The following LIMS4 variants were observed in gnomAD, a reference collection of about 807,000 sequenced individuals.
LIMS4 encodes LIM zinc finger domain containing 4, also known as LIM and senescent cell antigen-like-containing domain protein 4.
the LIMS4 span, among the ~76,000 whole-genome samples, chr2:110,432,840 TC>T: frequency 7.1e-6 from 1 of 141,132 alleles, no homozygotes; most frequent in Non-Finnish European, 1.5e-5. Flanking sequence ...ATCTTGGCCC[TC>T]TGCTGTGTTA....
At chr2:110,365,824 A>T in the LIMS4 span, among the ~76,000 whole-genome samples, 1 of 144,050 alleles carries the variant, frequency 6.9e-6, no homozygotes, top group Admixed American at 6.9e-5. Flanking sequence ...AAATAAACAC[A>T]ATCAAAATTG....
the LIMS4 span, among the ~76,000 whole-genome samples, chr2:110,397,224 G>GT: frequency 5.0e-3 from 487 of 97,712 alleles, no homozygotes; most frequent in African/African-American, 0.018. Flanking sequence ...ACACAATATG[G>GT]TTTTTTTTTA....
At chr2:110,424,870 A>G in the LIMS4 span, among the ~76,000 whole-genome samples, 5 of 142,852 alleles carry the variant, frequency 3.5e-5, no homozygotes, top group African/African-American at 1.4e-4. Context: ...AATCAGCGGT[A>G]TTCTAAAAGT....
chr2:110,361,813 G>C, the LIMS4 span: 1 of 791,476 alleles, frequency 1.3e-6, no homozygotes, highest in Non-Finnish European at 2.2e-6. Flanking sequence ...CTCCTATCTT[G>C]ATGCTAGGAT....
At chr2:110,391,729 TAGTGAGGCTG>T in the LIMS4 span, among the ~76,000 whole-genome samples, 1 of 48,812 alleles carries the variant, frequency 2.0e-5, no homozygotes, top group Admixed American at 1.8e-4. Flanking sequence ...GGGGAGCCAT[TAGTGAGGCTG>T]CCTACTACAT....
the LIMS4 span, chr2:110,360,665 T>C: frequency 1.6e-4 from 252 of 1,561,654 alleles, 8 homozygotes; most frequent in Middle Eastern, 6.9e-3. Flanking sequence ...TGTGTCTGCA[T>C]GTGAGTTTTT....
At chr2:110,425,285 A>T in the LIMS4 span, among the ~76,000 whole-genome samples, 2 of 142,668 alleles carry the variant, frequency 1.4e-5, no homozygotes, top group African/African-American at 2.9e-5. Flanking sequence ...CTAGGCAGAG[A>T]TGAAGGATGG....
chr2:110,365,800 GA>G, the LIMS4 span, among the ~76,000 whole-genome samples: 1 of 139,468 alleles, frequency 7.2e-6, no homozygotes, highest in African/African-American at 2.9e-5. Flanking sequence ...AACAGCAGAA[GA>G]AAGAGAAAAT....
the LIMS4 span, chr2:110,362,391 TGAA>T: frequency 3.0e-5 from 34 of 1,147,298 alleles, no homozygotes; most frequent in Middle Eastern, 2.8e-4. Context: ...TTTCCTCTGA[TGAA>T]GAAGAAGTAT....
At chr2:110,369,107 A>AT in the LIMS4 span, among the ~76,000 whole-genome samples, 50 of 94,828 alleles carry the variant, frequency 5.3e-4, no homozygotes, top group Middle Eastern at 4.2e-3. Flanking sequence ...GTTTAAGCCA[A>AT]TTTTTTTATC....
chr2:110,418,634 T>C, the LIMS4 span, among the ~76,000 whole-genome samples: 1 of 92,306 alleles, frequency 1.1e-5, no homozygotes, highest in Non-Finnish European at 2.0e-5. Context: ...GTATTTCTTC[T>C]ATTTTCCTTT....
At chr2:110,376,389 C>A in the LIMS4 span, 1 of 49,986 alleles carries the variant, frequency 2.0e-5, no homozygotes, top group Non-Finnish European at 3.1e-5. Context: ...TCACACAGCC[C>A]CCACATCACC....
the LIMS4 span, among the ~76,000 whole-genome samples, chr2:110,365,953 A>ACT: frequency 1.3e-5 from 2 of 150,872 alleles, no homozygotes; most frequent in African/African-American, 5.0e-5. Flanking sequence ...TGAAAACACA[A>ACT]CTCCCCAAAA....
chr2:110,373,761 G>A, the LIMS4 span, among the ~76,000 whole-genome samples: 4 of 149,450 alleles, frequency 2.7e-5, no homozygotes, highest in East Asian at 1.9e-4. Context: ...TTCAGGCCCC[G>A]ACTGGCCCCT....
At chr2:110,407,608 C>T in the LIMS4 span, among the ~76,000 whole-genome samples, 1 of 138,930 alleles carries the variant, frequency 7.2e-6, no homozygotes, top group Non-Finnish European at 1.6e-5. Context: ...GAGGCCCATG[C>T]TCTTATAACT....
the LIMS4 span, chr2:110,361,072 C>T: frequency 1.3e-4 from 113 of 841,344 alleles, 9 homozygotes; most frequent in East Asian, 2.7e-3. Flanking sequence ...GTTCTTTCAA[C>T]TTCCACTTGG....
the LIMS4 span, among the ~76,000 whole-genome samples, chr2:110,424,451 TAA>T: frequency 7.6e-6 from 1 of 130,968 alleles, no homozygotes; most frequent in Non-Finnish European, 1.6e-5. Context: ...ATCATGAAGT[TAA>T]AACAATAATA....
chr2:110,383,111 G>C, the LIMS4 span: 2 of 42,792 alleles, frequency 4.7e-5, no homozygotes, highest in African/African-American at 1.5e-4. Flanking sequence ...AGTCGGAGTC[G>C]GCGGCTGTAG....
At chr2:110,390,755 C>T in the LIMS4 span, among the ~76,000 whole-genome samples, 2 of 151,440 alleles carry the variant, frequency 1.3e-5, no homozygotes, top group Admixed American at 6.6e-5. Context: ...ACCCAAAGCA[C>T]TTACCTTGTT....
Sources: allele counts gnomAD v4.1 joint callset (sites outside exome capture counted in the v4.1 genomes callset), GRCh38; gene constraint gnomAD v4.1.1; transcripts MANE v1.5; gene names NCBI Gene and HGNC (gene_info 2026-07-23, HGNC 2026-07-21).